DEFB110: variants seen among roughly 807,000 people sequenced by gnomAD.
DEFB110 encodes the protein defensin beta 110.
DEFB110 carries 4 observed loss-of-function variants against 2.5 expected under a neutral mutation model. The ratio of observed to expected loss-of-function variants is 1.60; its 90% CI spans 0.79 to 3.66. DEFB110 has a LOEUF of 3.66. Among genes scored for constraint, DEFB110 ranks in the 30% most tolerant of loss-of-function variants. The probability of loss-of-function intolerance (pLI) is 0.01; values close to 1 mark genes in which losing one functional copy is unlikely to be tolerated. For missense variants in DEFB110, 94 were observed against 75.4 expected (o/e 1.25, Z -0.91); for synonymous variants, 29 against 21.8 (o/e 1.33, Z -0.92).
chr6:50,012,755 T>A (rs1317559567), intron 1 of DEFB110, among the ~76,000 whole-genome samples: 1 of 151,932 alleles, frequency 6.6e-6, no homozygotes, highest in Admixed American at 6.6e-5. Flanking sequence ...TTTTTGTGAT[T>A]CATACAACAC....
chr6:50,019,203 A>G (rs1774374769), intron 1 of DEFB110, 78 bp from the exon 2 acceptor site: 4 of 1,470,120 alleles, frequency 2.7e-6, no homozygotes, highest in Non-Finnish European at 3.7e-6. Flanking sequence ...AAGTCCATGA[A>G]GCAAAAGATT....
chr6:50,010,978 G>A (rs996512155), intron 1 of DEFB110, among the ~76,000 whole-genome samples: 1 of 151,826 alleles, frequency 6.6e-6, no homozygotes, highest in African/African-American at 2.4e-5. Flanking sequence ...GAATAAGAAT[G>A]TTTTGAGTTA....
chr6:50,019,836 CAAT>C (rs1421087041), intron 1 of DEFB110, among the ~76,000 whole-genome samples: 1 of 151,882 alleles, frequency 6.6e-6, no homozygotes, highest in East Asian at 1.9e-4. Context: ...GACTAGGAAT[CAAT>C]AAACTATTGT....
intron 1 of DEFB110, among the ~76,000 whole-genome samples, chr6:50,019,907 A>C (rs946393715): frequency 1.3e-5 from 2 of 152,086 alleles, no homozygotes; most frequent in African/African-American, 4.8e-5. Flanking sequence ...TGGCACGCAG[A>C]CACACCCATT....
downstream of DEFB110, among the ~76,000 whole-genome samples, chr6:50,018,300 C>T (rs565963520): frequency 2.2e-4 from 34 of 152,032 alleles, no homozygotes; most frequent in African/African-American, 8.2e-4. Flanking sequence ...TTTTTGACTT[C>T]TTTGGTCTAA....
Position 50,018,867 on chromosome 6 carries a change from T to A in DEFB110, c.*110A>T, listed in dbSNP as rs1774363920. 1.0e-5 allele frequency: 15 copies of A among 1,440,140 alleles called. No homozygotes were observed. In the South Asian group the frequency reaches 2.1e-4, roughly 20 times the overall value. 89.2% of individuals were successfully genotyped at this position (1,440,140 alleles called of 1,614,324 possible). ...CTGAATGGTTCAACATTAATTTTTA[T>A]TTAGTTCTTGTGTATTATAGAGACA... On this transcript the variant is annotated 3_prime_UTR_variant, in exon 2 of 2. Transcript: ENST00000371148.
chr6:50,021,932 T>A lies in DEFB110; in HGVS notation c.4A>T (p.Lys2Ter). 2 of 1,556,932 alleles carry A rather than the reference T, an allele frequency of 1.3e-6. No homozygotes were observed. The highest frequency in any genetic ancestry group is 2.5e-5 in the South Asian group (2 of 80,058). M[K>*]IQLFFFILHF... is the part of the protein sequence containing the mutation. ...AGAATAAAGAAAAAAAGTTGAATCT[T>A]CATGGTAGAGAGTTTCTTAAAAAAA... Residue 2 changes from lysine to a stop codon, truncating the protein, a stop_gained, in exon 1 of 2, where the codon AAG (lysine) becomes TAG (stop). Coordinates refer to ENST00000371148, the MANE Select transcript of DEFB110 (RefSeq NM_001037497.2). LOFTEE classifies it high-confidence loss of function.
At chr6:50,018,236 T>C (rs931561396), downstream of DEFB110, among the ~76,000 whole-genome samples, 30 of 152,088 alleles carry the variant, frequency 2.0e-4, no homozygotes, top group African/African-American at 7.0e-4. Context: ...ATGGATCTCC[T>C]CAGACATAGT....
intron 1 of DEFB110, 140 bp from the exon 2 acceptor site, chr6:50,019,265 T>C: frequency 1.2e-6 from 1 of 842,118 alleles, no homozygotes; most frequent in Non-Finnish European, 1.8e-6. Context: ...GTGAATTTAC[T>C]GTCCCTTGGT....
intron 1 of DEFB110, 85 bp downstream of exon 1, chr6:50,021,796 T>C (rs1774422063): frequency 1.6e-6 from 2 of 1,275,490 alleles, no homozygotes; most frequent in Non-Finnish European, 2.2e-6. Flanking sequence ...TTAATCCCTA[T>C]GTTATTATCA....
Position 50,018,915 on chromosome 6 carries a change from G to A in DEFB110, c.*62C>T. On this transcript the variant is annotated 3_prime_UTR_variant, in exon 2 of 2. Coordinates refer to ENST00000371148, the MANE Select transcript of DEFB110 (RefSeq NM_001037497.2). ...ACACACACGCCTTGAAGGATGTGCT[G>A]GGAAAACTTAATAACGCTGGTCTCT... The A allele has an allele frequency of 6.5e-7, 1 of 1,543,402 alleles. No individual in the cohort carries two copies. Among genetic ancestry groups the A allele is most frequent in the Non-Finnish European group, 8.7e-7 (1 of 1,149,892 alleles).
chr6:50,020,377 T>C (rs937657970), intron 1 of DEFB110, among the ~76,000 whole-genome samples: 10 of 152,118 alleles, frequency 6.6e-5, no homozygotes, highest in African/African-American at 2.4e-4. Context: ...GTCAAAATTT[T>C]TTTATTTTAT....
At chr6:50,020,020 A>G (rs1774392153) in intron 1 of DEFB110, among the ~76,000 whole-genome samples, 1 of 152,134 alleles carries the variant, frequency 6.6e-6, no homozygotes, top group Non-Finnish European at 1.5e-5. Flanking sequence ...ATTTCTAGAA[A>G]AAGTGTGTTA....
At chr6:50,015,536 A>G (rs1379602427), downstream of DEFB110, among the ~76,000 whole-genome samples, 1 of 151,706 alleles carries the variant, frequency 6.6e-6, no homozygotes, top group Non-Finnish European at 1.5e-5. Context: ...CACTTTTTTC[A>G]GCCTTTACAA....
intron 1 of DEFB110, among the ~76,000 whole-genome samples, chr6:50,020,262 T>G (rs1389118934): frequency 6.6e-6 from 1 of 152,142 alleles, no homozygotes; most frequent in Non-Finnish European, 1.5e-5. Context: ...AGAAGTTTCT[T>G]ATTTAGAATT....
intron 1 of DEFB110, among the ~76,000 whole-genome samples, chr6:50,011,568 C>G (rs1450905867): frequency 6.6e-6 from 1 of 152,010 alleles, no homozygotes; most frequent in East Asian, 1.9e-4. Flanking sequence ...GGGGACAAAT[C>G]TGTTCGAAAG....
At chr6:50,017,192 A>C (rs1050663557), downstream of DEFB110, among the ~76,000 whole-genome samples, 2 of 151,906 alleles carry the variant, frequency 1.3e-5, no homozygotes, top group Middle Eastern at 6.8e-3. Context: ...ATTATCCAAA[A>C]GTTAGGCCAA....
At chr6:50,014,917 A>G (rs984982087), downstream of DEFB110, among the ~76,000 whole-genome samples, 1 of 151,776 alleles carries the variant, frequency 6.6e-6, no homozygotes, top group East Asian at 1.9e-4. Flanking sequence ...TGTCTTGCCA[A>G]CTCAAAAGAT....
At chr6:50,019,397 A>AC (rs1474043285) in intron 1 of DEFB110, among the ~76,000 whole-genome samples, 7 of 152,056 alleles carry the variant, frequency 4.6e-5, no homozygotes. Context: ...AAAAAAAGTG[A>AC]CCATAATTTA....
Sources: gnomAD v4.1 joint callset for allele counts (sites outside exome capture counted in the v4.1 genomes callset) on GRCh38, gnomAD v4.1.1 for gene constraint, MANE v1.5 for transcripts, NCBI Gene and HGNC (gene_info 2026-07-23, HGNC 2026-07-21) for gene names.